Variants in CSMD3 observed in about 807,000 individuals in gnomAD.
CSMD3 encodes the protein CUB and Sushi multiple domains 3.
CSMD3 carries 177 observed loss-of-function variants against 435.2 expected under a neutral mutation model. The ratio of observed to expected loss-of-function variants is 0.41; its 90% CI spans 0.36 to 0.46. CSMD3 has a LOEUF of 0.46. CSMD3 is among the 20% of genes least tolerant of loss of function. The probability of loss-of-function intolerance (pLI) is 0.34; values close to 1 mark genes in which losing one functional copy is unlikely to be tolerated. For missense variants in CSMD3, 4,265 were observed against 4,504.6 expected (o/e 0.95, Z 1.52); for synonymous variants, 1,656 against 1,520.5 (o/e 1.09, Z -2.07).
chr8:113,097,212 G>C lies in CSMD3; in HGVS notation c.917+1544C>G, dbSNP rs75647259. ...ATAACTATTTACAAAGCCTTGGATG[G>C]AGAGTTGGATTAGATGCTCTTTAAA... On this transcript the variant is annotated intron_variant, in intron 5 of 70. Coordinates refer to ENST00000297405, the MANE Select transcript of CSMD3 (RefSeq NM_198123.2). Among the ~76,000 whole-genome samples the C allele has an allele frequency of 2.4e-3, 360 of 152,188 alleles. 1 individual carries two copies. The highest frequency in any genetic ancestry group is 6.8e-3 in the Middle Eastern group (2 of 294).
chr8:112,313,109 T>C (rs1822137947), intron 49 of CSMD3, among the ~76,000 whole-genome samples: 2 of 152,140 alleles, frequency 1.3e-5, no homozygotes, highest in South Asian at 2.1e-4. Flanking sequence ...AAAAGGAACA[T>C]AACCTTCACA....
intron 20 of CSMD3, among the ~76,000 whole-genome samples, chr8:112,643,050 C>T (rs1030776555): frequency 6.6e-6 from 1 of 151,916 alleles, no homozygotes; most frequent in Non-Finnish European, 1.5e-5. Flanking sequence ...AGTGTTTAGT[C>T]TGGGAAGAAA....
chr8:113,125,176 T>A (rs1564342782), intron 4 of CSMD3, among the ~76,000 whole-genome samples: 1 of 151,946 alleles, frequency 6.6e-6, no homozygotes, highest in Non-Finnish European at 1.5e-5. Context: ...CATAACTTAG[T>A]CTTTGAACAA....
chr8:113,421,654 C>G (rs1337555988), intron 1 of CSMD3, among the ~76,000 whole-genome samples: 2 of 152,070 alleles, frequency 1.3e-5, no homozygotes, highest in African/African-American at 2.4e-5. Flanking sequence ...GATTCGGAAC[C>G]AAGGTCTCCT....
intron 12 of CSMD3, among the ~76,000 whole-genome samples, chr8:112,811,860 T>G (rs957860396): frequency 6.6e-6 from 1 of 152,190 alleles, no homozygotes; most frequent in Non-Finnish European, 1.5e-5. Context: ...GTATAAAACC[T>G]CAATGGCCAG....
chr8:113,188,853 T>C (rs1198494786), intron 3 of CSMD3, among the ~76,000 whole-genome samples: 1 of 151,910 alleles, frequency 6.6e-6, no homozygotes, highest in Non-Finnish European at 1.5e-5. Flanking sequence ...CTGAGATTTA[T>C]TTGGGTTACT....
intron 13 of CSMD3, among the ~76,000 whole-genome samples, chr8:112,779,477 A>G (rs2078329332): frequency 6.6e-6 from 1 of 152,056 alleles, no homozygotes; most frequent in African/African-American, 2.4e-5. Context: ...AAGACCATGC[A>G]TGGCTTTGCC....
chr8:112,592,754 T>C (rs1378919361), intron 22 of CSMD3, among the ~76,000 whole-genome samples: 2 of 152,166 alleles, frequency 1.3e-5, no homozygotes, highest in African/African-American at 4.8e-5. Flanking sequence ...TGCTCAGTTA[T>C]TTATTAAAAA....
chr8:113,148,534 G>T (rs987831763), intron 4 of CSMD3, among the ~76,000 whole-genome samples: 7 of 151,768 alleles, frequency 4.6e-5, no homozygotes, highest in African/African-American at 1.7e-4. Flanking sequence ...GAATATTCCT[G>T]TTGTGTTCAC....
chr8:113,252,256 C>G (rs1022869046), intron 3 of CSMD3, among the ~76,000 whole-genome samples: 2 of 151,972 alleles, frequency 1.3e-5, no homozygotes, highest in African/African-American at 4.8e-5. Context: ...AAACTATAAA[C>G]CAATGTCTGG....
chr8:113,355,749 T>TATATATACACACAC (rs1357514892), intron 1 of CSMD3, among the ~76,000 whole-genome samples: 36 of 81,314 alleles, frequency 4.4e-4, no homozygotes, highest in African/African-American at 1.9e-3. Context: ...TATATATATA[T>TATATATACACACAC]ACACACACAC....
At chr8:112,262,631 T>A (rs1405710163) in intron 61 of CSMD3, among the ~76,000 whole-genome samples, 1 of 152,036 alleles carries the variant, frequency 6.6e-6, no homozygotes, top group African/African-American at 2.4e-5. Context: ...AAAAAGAAAT[T>A]TTTTGTAAAA....
chr8:113,300,219 AT>A (rs2093755201), intron 2 of CSMD3, among the ~76,000 whole-genome samples: 1 of 151,966 alleles, frequency 6.6e-6, no homozygotes, highest in Non-Finnish European at 1.5e-5. Context: ...GGGAACACAT[AT>A]ATTTTTCATG....
At chr8:112,370,023 GGAAGAAGAAGAAGAAGAAGAAGAAGAA>G (rs71309767) in intron 38 of CSMD3, among the ~76,000 whole-genome samples, 4 of 66,538 alleles carry the variant, frequency 6.0e-5, no homozygotes, top group East Asian at 5.3e-4. Flanking sequence ...AAGAAGAAGA[GGAAGAAGAAGAAGAAGAAGAAGAAGAA>G]GAAGAAGAAG....
At chr8:112,947,591 A>G (rs115777625) in intron 9 of CSMD3, among the ~76,000 whole-genome samples, 199 bp downstream of exon 9, 2,711 of 151,860 alleles carry the variant, frequency 0.018, 78 homozygotes, top group African/African-American at 0.062. Flanking sequence ...TTAAACTAAA[A>G]AAAAAGTGTT....
intron 11 of CSMD3, among the ~76,000 whole-genome samples, chr8:112,835,909 A>G (rs2080009436): frequency 6.6e-6 from 1 of 151,900 alleles, no homozygotes; most frequent in South Asian, 2.1e-4. Flanking sequence ...AGTATTCACT[A>G]GTCTTATCCA....
intron 11 of CSMD3, among the ~76,000 whole-genome samples, chr8:112,849,612 T>C (rs188421134): frequency 2.6e-5 from 4 of 151,972 alleles, no homozygotes; most frequent in African/African-American, 7.2e-5. Context: ...TTTCAGGCTA[T>C]AGTGGAATGT....
At chr8:112,316,559 C>CA (rs925157404) in intron 47 of CSMD3, among the ~76,000 whole-genome samples, 131 of 151,904 alleles carry the variant, frequency 8.6e-4, no homozygotes, top group African/African-American at 3.1e-3. Flanking sequence ...AGAAGCCTGA[C>CA]AGCCACCAAG....
At chr8:112,948,112 C>A (rs2083680083) in intron 8 of CSMD3, among the ~76,000 whole-genome samples, 1 of 151,512 alleles carries the variant, frequency 6.6e-6, no homozygotes, top group South Asian at 2.1e-4. Context: ...ATTAGTCTTG[C>A]CTATTAACAC....
Sources: gnomAD v4.1 joint callset for allele counts (sites outside exome capture counted in the v4.1 genomes callset) on GRCh38, gnomAD v4.1.1 for gene constraint, MANE v1.5 for transcripts, NCBI Gene and HGNC (gene_info 2026-07-23, HGNC 2026-07-21) for gene names.